M1AP: variants seen among roughly 807,000 people sequenced by gnomAD.
M1AP encodes the protein meiosis 1 arrest protein.
Under a neutral mutation model 51.2 loss-of-function variants are expected in M1AP, and 39 were observed. The observed-to-expected ratio is 0.76, with a 90% confidence interval of 0.59 to 1.00. The LOEUF is 1.00. M1AP is among the 50% of genes least tolerant of loss of function. The pLI, the probability that M1AP is intolerant of heterozygous loss-of-function variation, is 0.00. For missense variants in M1AP, 545 were observed against 641.2 expected, an observed-to-expected ratio of 0.85 and a Z score of 1.62; for synonymous variants, 251 against 249.2, an observed-to-expected ratio of 1.01 and a Z score of -0.07.
At chr2:74,614,567 G>A (rs921860075) in intron 3 of M1AP, among the ~76,000 whole-genome samples, 1 of 152,118 alleles carries the variant, frequency 6.6e-6, no homozygotes, top group South Asian at 2.1e-4. Flanking sequence ...TCAATTTGAT[G>A]CCAAGATTTG....
intron 4 of M1AP, among the ~76,000 whole-genome samples, chr2:74,599,929 C>G (rs1680581010): frequency 6.6e-6 from 1 of 151,786 alleles, no homozygotes; most frequent in Non-Finnish European, 1.5e-5. Context: ...CTACTGAGCT[C>G]AGGAGATACT....
rs1018596381 is a variant in M1AP at position 74,606,038 on chromosome 2, C to T, written c.595+1017G>A. The stretch of plus-strand genomic sequence containing the variant: ...GTGTGCTGGACCTTGACACAGGTGT[C>T]TAGGCTTCTGCCCAGCCGGGGGAAC... On this transcript the variant is annotated intron_variant, in intron 4 of 10. Transcript: ENST00000421985. Among the ~76,000 whole-genome samples, 32 of 152,176 alleles carry T rather than the reference C, an allele frequency of 2.1e-4. 2 individuals are homozygous for T. Among genetic ancestry groups the T allele is most frequent in the African/African-American group, 7.5e-4 (31 of 41,446 alleles).
intron 4 of M1AP, among the ~76,000 whole-genome samples, chr2:74,597,776 G>C (rs1442057287): frequency 6.6e-6 from 1 of 152,242 alleles, no homozygotes; most frequent in Non-Finnish European, 1.5e-5. Context: ...AGTGCAGACT[G>C]CTGTCAACCT....
At chr2:74,614,633 C>T (rs1681558130) in intron 3 of M1AP, among the ~76,000 whole-genome samples, 1 of 152,154 alleles carries the variant, frequency 6.6e-6, no homozygotes, top group Non-Finnish European at 1.5e-5. Context: ...ATACAGCTAC[C>T]AATGTAGGCA....
At chr2:74,648,078 G>T (rs931218535) in intron 1 of M1AP, 187 bp downstream of exon 1, 2 of 985,404 alleles carry the variant, frequency 2.0e-6, no homozygotes, top group Non-Finnish European at 1.2e-6. Context: ...AGTATGCGGA[G>T]GGATGACTCC....
chr2:74,595,980 T>C (rs1680309819), intron 4 of M1AP, among the ~76,000 whole-genome samples: 1 of 152,110 alleles, frequency 6.6e-6, no homozygotes, highest in Non-Finnish European at 1.5e-5. Context: ...AATGCAAAGA[T>C]GAATGGCTAA....
intron 7 of M1AP, among the ~76,000 whole-genome samples, chr2:74,571,125 C>T (rs954892122): frequency 3.9e-5 from 6 of 151,988 alleles, no homozygotes; most frequent in South Asian, 4.2e-4. Flanking sequence ...GCAGGGAAAA[C>T]CAGAAGAGAG....
intron 7 of M1AP, among the ~76,000 whole-genome samples, chr2:74,574,882 C>T (rs1384984775): frequency 1.3e-5 from 2 of 152,182 alleles, no homozygotes; most frequent in Admixed American, 1.3e-4. Flanking sequence ...TCTCACTTAT[C>T]TTGTAGGTCT....
rs575423936 is a variant in M1AP at position 74,623,097 on chromosome 2, C to T, written c.241-7948G>A. The stretch of plus-strand genomic sequence containing the variant: ...GGTCAGTAATTACAATAAATACAAA[C>T]TTACTTCCTAAAATATACCAGCTAA... On this transcript the variant is annotated intron_variant, in intron 2 of 10. Transcript: ENST00000421985. Among the ~76,000 whole-genome samples, 57 of 152,110 alleles carry T rather than the reference C, an allele frequency of 3.7e-4. No homozygotes were observed. In the South Asian group the frequency reaches 0.011, roughly 30 times the overall value.
rs554957106 is a variant in M1AP, at chr2:74,581,783, C to G, written c.660G>C (p.Glu220Asp). The stretch of plus-strand genomic sequence containing the variant: ...TATGTAGCCAGGCTTTGAAGAAAAT[C>G]TCCATGCTGACGATATCATTGTCTA... ...QTIDNDIVSM[E>D]IFFKAWLHNS... is the part of the protein sequence containing the mutation. The change falls in exon 5 of 11, where the codon GAG (glutamate) becomes GAC (aspartate). Residue 220 changes from glutamate (E) to aspartate (D), a missense_variant. Physicochemically the swap from Glu to Asp is conservative, Grantham distance 45. Coordinates refer to ENST00000421985, the MANE Select transcript of M1AP (RefSeq NM_001321739.2). The G allele has an allele frequency of 6.2e-7, 1 of 1,614,076 alleles. No homozygotes were observed. The highest frequency in any genetic ancestry group is 1.1e-5 in the South Asian group (1 of 91,086).
At chr2:74,604,997 G>A (rs955661882) in intron 4 of M1AP, among the ~76,000 whole-genome samples, 8 of 151,758 alleles carry the variant, frequency 5.3e-5, no homozygotes, top group Admixed American at 5.3e-4. Context: ...ATCACCTAAG[G>A]TCAGTTCGAG....
At chr2:74,634,668 T>C (rs1682880607) in intron 2 of M1AP, among the ~76,000 whole-genome samples, 1 of 152,218 alleles carries the variant, frequency 6.6e-6, no homozygotes, top group African/African-American at 2.4e-5. Flanking sequence ...TCTTTCACCA[T>C]TAAATATGGC....
intron 4 of M1AP, among the ~76,000 whole-genome samples, chr2:74,591,575 CAG>C (rs911378076): frequency 1.6e-4 from 24 of 152,166 alleles, no homozygotes; most frequent in African/African-American, 4.3e-4. Flanking sequence ...AAGAAGAAAG[CAG>C]AGTTAGGAAG....
chr2:74,611,460 A>T (rs7577061), intron 3 of M1AP, among the ~76,000 whole-genome samples: 1 of 152,248 alleles, frequency 6.6e-6, no homozygotes, highest in African/African-American at 2.4e-5. Flanking sequence ...CAATTTGTTG[A>T]CATATAGTTC....
chr2:74,603,934 TGTA>T (rs1680818848), intron 4 of M1AP, among the ~76,000 whole-genome samples: 2 of 152,084 alleles, frequency 1.3e-5, no homozygotes, highest in Non-Finnish European at 2.9e-5. Context: ...GCCACTTCCA[TGTA>T]TGCATAACCA....
chr2:74,612,836 A>G (rs1342009662), intron 3 of M1AP, among the ~76,000 whole-genome samples: 1 of 152,130 alleles, frequency 6.6e-6, no homozygotes, highest in African/African-American at 2.4e-5. Flanking sequence ...GTCTGACTTT[A>G]AGAAATTCTC....
intron 1 of M1AP, among the ~76,000 whole-genome samples, chr2:74,647,616 G>A (rs1277912186): frequency 2.0e-5 from 3 of 152,130 alleles, no homozygotes; most frequent in East Asian, 1.9e-4. Flanking sequence ...TCTCGTGGCC[G>A]GGCACGGTGG....
intron 4 of M1AP, among the ~76,000 whole-genome samples, chr2:74,594,146 TAATTTTC>T (rs1680196282): frequency 6.6e-6 from 1 of 152,178 alleles, no homozygotes; most frequent in South Asian, 2.1e-4. Flanking sequence ...TTAACAAAGT[TAATTTTC>T]TGAAAAATCA....
chr2:74,633,500 T>TG (rs1401410632), intron 2 of M1AP, among the ~76,000 whole-genome samples: 1 of 152,120 alleles, frequency 6.6e-6, no homozygotes, highest in Non-Finnish European at 1.5e-5. Context: ...CCCTTACCCC[T>TG]GATGTTTCCT....
Sources: gnomAD v4.1 joint callset for allele counts (sites outside exome capture counted in the v4.1 genomes callset) on GRCh38, gnomAD v4.1.1 for gene constraint, MANE v1.5 for transcripts, NCBI Gene and HGNC (gene_info 2026-07-23, HGNC 2026-07-21) for gene names.